The following AATK variants were observed in gnomAD, a reference collection of about 807,000 sequenced individuals.
AATK encodes lemur tail kinase 1.
In AATK, 91 loss-of-function variants were observed where a neutral mutation model predicts 114.3. The observed-to-expected ratio is 0.80, with a 90% confidence interval of 0.67 to 0.95. The LOEUF (loss-of-function observed/expected upper bound fraction) is 0.95, where lower values mean the gene tolerates loss of function less well. Ranked by LOEUF, AATK falls within the 40% of genes least tolerant of loss-of-function variation. The probability of loss-of-function intolerance (pLI) is 0.00; values close to 1 mark genes in which losing one functional copy is unlikely to be tolerated. For synonymous variants in AATK, 1,075 were observed against 916.5 expected (o/e 1.17, Z -3.12); for missense variants, 2,176 against 1,965.2 (o/e 1.11, Z -2.03).
intron 1 of AATK, among the ~76,000 whole-genome samples, chr17:81,140,689 GGCCGTTGAGCTGTGGGGCGGTGA>G (rs1433173266): frequency 2.1e-4 from 26 of 124,662 alleles, no homozygotes; most frequent in Non-Finnish European, 3.9e-4. Flanking sequence ...GGGGCCGTGG[GGCCGTTGAGCTGTGGGGCGGTGA>G]GACCGTGGGG....
At chr17:81,119,878 A>T (rs542635605) in intron 12 of AATK, 58 bp downstream of exon 12, 31 of 1,383,036 alleles carry the variant, frequency 2.2e-5, no homozygotes, top group Non-Finnish European at 2.9e-5. Context: ...CCTCCCACAC[A>T]GCACGGACCA....
In AATK at chr17:81,140,834, G is replaced by A. The variant is rs191002630; in HGVS notation, c.56-6333C>T. 7.3e-5 allele frequency among the ~76,000 whole-genome samples: 8 copies of A among 109,216 alleles called. No individual in the cohort carries two copies. In the East Asian group the frequency reaches 7.3e-4, roughly 10 times the overall value. 71.6% of individuals were successfully genotyped at this position (109,216 alleles called of 152,430 possible). A position where few individuals can be genotyped will look rare whatever the true frequency, so the allele number is the denominator to read the frequency against. On this transcript the variant is annotated intron_variant, in intron 1 of 13. Coordinates refer to ENST00000326724, the MANE Select transcript of AATK (RefSeq NM_001080395.3). The stretch of plus-strand genomic sequence containing the variant: ...CTGTGAGCCGTGGGGCCGGGAGACC[G>A]TGGGGCCGTGAGCCGTGGGGCTGTG...
At chr17:81,149,261 G>A (rs542136082) in intron 1 of AATK, among the ~76,000 whole-genome samples, 2 of 152,044 alleles carry the variant, frequency 1.3e-5, no homozygotes, top group African/African-American at 4.8e-5. Context: ...CACCACCACA[G>A]CCTCCAGCCC....
rs985595352 is a variant in AATK, at chr17:81,126,342, T to C, written c.755+85A>G. The C allele has an allele frequency of 2.0e-5, 30 of 1,467,734 alleles. No homozygotes were observed. The African/African-American group carries it at 3.2e-4, about 16-fold the overall frequency. 90.9% of individuals were successfully genotyped at this position (1,467,734 alleles called of 1,614,324 possible). A position where few individuals can be genotyped will look rare whatever the true frequency, so the allele number is the denominator to read the frequency against. Reference sequence around the variant, plus strand: ...ACCTGGCCGGTCCTCGCAAGCCCCCTGAGGCAGGACCCGCCCTATGCCCTT... The same window carrying C: ...ACCTGGCCGGTCCTCGCAAGCCCCCCGAGGCAGGACCCGCCCTATGCCCTT... On this transcript the variant is annotated intron_variant, in intron 7 of 13. Transcript: ENST00000326724. This position sits in a 1 kb window ranked among gnomAD's most constrained non-coding sequence, Gnocchi z 5.1.
chr17:81,136,984 G>A (rs1208592476), intron 1 of AATK, among the ~76,000 whole-genome samples: 1 of 152,254 alleles, frequency 6.6e-6, no homozygotes, highest in East Asian at 1.9e-4. Flanking sequence ...CTTGCCGGGC[G>A]CGGTGGCTCA....
chr17:81,126,397 TC>T lies in AATK; in HGVS notation c.755+29del. ...CAGGGGAGGGGCCTGGCCTAGGGCT[TC>T]CCGGCCGCTGGCCCGCGCCCGCCCT... On this transcript the variant is annotated intron_variant, in intron 7 of 13. Coordinates refer to ENST00000326724, the MANE Select transcript of AATK (RefSeq NM_001080395.3). This position sits in a 1 kb window ranked among gnomAD's most constrained non-coding sequence, Gnocchi z 5.1. 2.6e-6 allele frequency: 4 copies of T among 1,542,808 alleles called. No individual in the cohort carries two copies. The highest frequency in any genetic ancestry group is 3.5e-6 in the Non-Finnish European group (4 of 1,141,452).
chr17:81,118,426 G>C lies in AATK; in HGVS notation c.4101C>G (p.Ala1367=), dbSNP rs186291281. The C allele has an allele frequency of 6.8e-6, 11 of 1,608,922 alleles. 1 individual carries two copies. In the Admixed American group the frequency reaches 1.7e-4, roughly 24 times the overall value. The change falls in exon 14 of 14, where the codon GCC becomes GCG. Residue 1367 remains alanine, a synonymous_variant. Coordinates refer to ENST00000326724, the MANE Select transcript of AATK (RefSeq NM_001080395.3). ...AESKRGPEAG[A]GGESKEA ...CTCAAGCCTCTTTACTCTCACCCCC[G>C]GCACCAGCTTCAGGTCCTGGCAAGC...
At chr17:81,161,828 C>T (rs1035885927) in intron 1 of AATK, among the ~76,000 whole-genome samples, 14 of 152,234 alleles carry the variant, frequency 9.2e-5, no homozygotes, top group African/African-American at 2.9e-4. Flanking sequence ...GGAGTCGATG[C>T]ATCCCAAACA....
chr17:81,150,108 G>T (rs953345894), intron 1 of AATK, among the ~76,000 whole-genome samples: 1 of 152,102 alleles, frequency 6.6e-6, no homozygotes, highest in Non-Finnish European at 1.5e-5. Flanking sequence ...GCTGAGGGGA[G>T]GGGGATGGGG....
chr17:81,119,628 G>A (rs749702810), intron 12 of AATK, 48 bp from the exon 13 acceptor site: 1 of 1,506,392 alleles, frequency 6.6e-7, no homozygotes, highest in South Asian at 1.2e-5. Context: ...CTGGGACCCC[G>A]GCCCGGCCCC....
At chr17:81,161,718 GGT>G (rs1420576712) in intron 1 of AATK, among the ~76,000 whole-genome samples, 3 of 152,310 alleles carry the variant, frequency 2.0e-5, no homozygotes, top group Non-Finnish European at 4.4e-5. Context: ...ACCTGTCCAT[GGT>G]CACACAGCAG....
At chr17:81,134,805 C>T (rs2060985589) in intron 1 of AATK, among the ~76,000 whole-genome samples, 2 of 152,242 alleles carry the variant, frequency 1.3e-5, no homozygotes, top group Admixed American at 6.5e-5. Context: ...GTCAGGGTCT[C>T]AGGGGCTACA....
Position 81,126,830 on chromosome 17 carries a change from G to A in AATK, c.622-270C>T. On this transcript the variant is annotated intron_variant, in intron 6 of 13. Transcript: ENST00000326724. This position sits in a 1 kb window ranked among gnomAD's most constrained non-coding sequence, Gnocchi z 5.1. ...GGAGTCCCTTGGCCTGTGGTAGAGA[G>A]AGAAACACAGGGCCCAAGTGGATCT... 2 of 1,299,716 alleles carry A rather than the reference G, an allele frequency of 1.5e-6. No individual in the cohort carries two copies. The highest frequency in any genetic ancestry group is 2.0e-6 in the Non-Finnish European group (2 of 1,021,866). 80.5% of individuals were successfully genotyped at this position (1,299,716 alleles called of 1,614,324 possible).
At chr17:81,156,098 GTA>G (rs2061359023) in intron 1 of AATK, among the ~76,000 whole-genome samples, 1 of 109,204 alleles carries the variant, frequency 9.2e-6, no homozygotes, top group South Asian at 3.1e-4. Context: ...ATGTTACAAT[GTA>G]TGTTACAATG....
At chr17:81,123,434 C>T (rs2060728080) in intron 9 of AATK, 91 bp from the exon 10 acceptor site, 3 of 1,189,266 alleles carry the variant, frequency 2.5e-6, no homozygotes, top group African/African-American at 3.2e-5. Flanking sequence ...GGGGCAGCTC[C>T]CGCCATCACG....
rs1423506040 is a variant in AATK, at chr17:81,120,698, G to A, written c.3238C>T (p.Pro1080Ser). ...STCPSGLVPEPPEPQGPAKVR... is the reference protein window; with the variant it reads ...STCPSGLVPESPEPQGPAKVR... ...TTGGCTGGGCCTTGGGGCTCCGGAG[G>A]CTCTGGGACCAGGCCCGAGGGGCAG... The change falls in exon 11 of 14, where the codon CCT becomes TCT. Residue 1080 changes from proline (P) to serine (S), a missense_variant. By Grantham distance (74) the Pro-to-Ser change is moderately conservative. Around this residue, in one of 4 missense-constraint regions of AATK, gnomAD observed 1,701 missense variants for 1,394.7 expected, o/e 1.22. Transcript: ENST00000326724. 2.5e-5 allele frequency: 38 copies of A among 1,523,118 alleles called. No individual in the cohort carries two copies. Among genetic ancestry groups the A allele is most frequent in the Non-Finnish European group, 3.2e-5 (36 of 1,135,278 alleles). The allele number at this position is 1,523,118 out of a possible 1,614,324, so 94.4% of individuals were successfully genotyped here.
At chr17:81,134,276 G>T in intron 2 of AATK, 92 bp downstream of exon 2, 1 of 1,519,874 alleles carries the variant, frequency 6.6e-7, no homozygotes, top group East Asian at 2.4e-5. Context: ...CACCTTGATG[G>T]CCCCAGGAAG....
At chr17:81,156,889 A>C (rs1166559323) in intron 1 of AATK, among the ~76,000 whole-genome samples, 1 of 150,900 alleles carries the variant, frequency 6.6e-6, no homozygotes, top group Non-Finnish European at 1.5e-5. Context: ...CAGGCACGAA[A>C]CTGAGGACCC....
chr17:81,119,354 C>T lies in AATK; in HGVS notation c.4084+26G>A, dbSNP rs567402630. On this transcript the variant is annotated intron_variant, in intron 13 of 13. Coordinates refer to ENST00000326724, the MANE Select transcript of AATK (RefSeq NM_001080395.3). ...CGTGCCCTGCCTCCCGCGTGCCCTT[C>T]TGCCACAGCCCCGCCCAGGCCTCAC... 521 of 1,549,820 alleles carry T rather than the reference C, an allele frequency of 3.4e-4. 4 individuals carry two copies. The East Asian group carries it at 9.7e-3, about 29-fold the overall frequency.
Sources: allele counts gnomAD v4.1 joint callset (sites outside exome capture counted in the v4.1 genomes callset), GRCh38; gene constraint gnomAD v4.1.1; regional missense constraint gnomAD v4.1.1; non-coding constraint Gnocchi (gnomAD v3.1); transcripts MANE v1.5; gene names NCBI Gene and HGNC (gene_info 2026-07-23, HGNC 2026-07-21).